TBC1D10A: variants seen among roughly 807,000 people sequenced by gnomAD.
TBC1D10A encodes the protein TBC1 domain family member 10A.
In TBC1D10A, 24 loss-of-function variants were observed where a neutral mutation model predicts 52.9. The observed-to-expected ratio is 0.45, with a 90% CI of 0.33 to 0.64. TBC1D10A has a LOEUF of 0.64. Among genes scored for constraint, TBC1D10A ranks in the 30% least tolerant of loss-of-function variants. TBC1D10A has a pLI of 0.02. For missense variants in TBC1D10A, 602 were observed against 687.9 expected (o/e 0.88, Z 1.40); for synonymous variants, 278 against 282.9 (o/e 0.98, Z 0.17).
intron 1 of TBC1D10A, among the ~76,000 whole-genome samples, chr22:30,323,396 G>T (rs192400496): frequency 7.9e-5 from 12 of 152,194 alleles, no homozygotes; most frequent in Non-Finnish European, 1.5e-5. Context: ...TGAGAGAGTC[G>T]AAAGTGCTGA....
At chr22:30,293,441 G>A in intron 8 of TBC1D10A, 4 of 798,882 alleles carry the variant, frequency 5.0e-6, no homozygotes, top group Non-Finnish European at 8.5e-6. Context: ...AAGCGGCTCG[G>A]ATCCAGAAGG....
intron 1 of TBC1D10A, among the ~76,000 whole-genome samples, 191 bp from the exon 2 acceptor site, chr22:30,304,821 C>G (rs1204475576): frequency 1.3e-5 from 2 of 152,252 alleles, no homozygotes; most frequent in Non-Finnish European, 2.9e-5. Context: ...TCCACCGCCT[C>G]AAGGCATAAG....
chr22:30,314,980 C>T (rs1443011266), intron 1 of TBC1D10A, among the ~76,000 whole-genome samples: 1 of 152,204 alleles, frequency 6.6e-6, no homozygotes, highest in East Asian at 1.9e-4. Flanking sequence ...TGAGTGGAAT[C>T]TTTCGGGATG....
At chr22:30,310,548 T>A (rs1930403650) in intron 1 of TBC1D10A, among the ~76,000 whole-genome samples, 1 of 152,172 alleles carries the variant, frequency 6.6e-6, no homozygotes, top group Non-Finnish European at 1.5e-5. Flanking sequence ...CTCTCTGAGC[T>A]TCCAGTTCCT....
At chr22:30,323,491 C>T (rs539448340) in intron 1 of TBC1D10A, among the ~76,000 whole-genome samples, 6 of 152,292 alleles carry the variant, frequency 3.9e-5, no homozygotes, top group Non-Finnish European at 5.9e-5. Context: ...CCTGCAGGGA[C>T]GAAAGGCCAT....
chr22:30,304,350 G>A (rs892334335), intron 2 of TBC1D10A, among the ~76,000 whole-genome samples, 181 bp downstream of exon 2: 1 of 152,170 alleles, frequency 6.6e-6, no homozygotes, highest in African/African-American at 2.4e-5. Context: ...CATTGTGTTA[G>A]GGCCCAACCT....
At chr22:30,293,111 G>A in intron 8 of TBC1D10A, 1 of 624,276 alleles carries the variant, frequency 1.6e-6, no homozygotes, top group South Asian at 1.9e-5. Flanking sequence ...CTGACTATGG[G>A]GCTAAAGGGG....
chr22:30,296,722 G>C (rs1259262548), intron 3 of TBC1D10A: 1 of 152,182 alleles, frequency 6.6e-6, no homozygotes, highest in Non-Finnish European at 1.5e-5. Flanking sequence ...TGGTTACATG[G>C]ATGTGTATTA....
At chr22:30,311,489 A>G (rs1164411996) in intron 1 of TBC1D10A, among the ~76,000 whole-genome samples, 3 of 152,278 alleles carry the variant, frequency 2.0e-5, no homozygotes, top group South Asian at 2.1e-4. Flanking sequence ...CTCCTTCCCA[A>G]TGCAGGCTAA....
intron 1 of TBC1D10A, among the ~76,000 whole-genome samples, chr22:30,308,088 G>A (rs1223954321): frequency 1.3e-5 from 2 of 152,212 alleles, no homozygotes; most frequent in Non-Finnish European, 2.9e-5. Context: ...GAGCCACAGC[G>A]CCCGGCCCAT....
rs201420153 is a variant in TBC1D10A, at chr22:30,292,673, A to G, written c.1229T>C (p.Ile410Thr). The G allele has an allele frequency of 6.2e-5, 99 of 1,608,704 alleles. No individual in the cohort carries two copies. The highest frequency in any genetic ancestry group is 6.7e-5 in the Non-Finnish European group (79 of 1,177,390). ...GAGGGGGGCATCTAGGGGCAGGCGG[A>G]TGGATGGTGAAGGTTGTAGGGCAGG... ...PRPALQPSPS[I>T]RLPLDAPLPG... The change falls in exon 9 of 9, where the codon ATC (isoleucine) becomes ACC (threonine). Residue 410 changes from isoleucine (I) to threonine (T), a missense_variant. By Grantham distance (89) the Ile-to-Thr change is moderately conservative. Coordinates refer to ENST00000215790, the MANE Select transcript of TBC1D10A (RefSeq NM_031937.3).
At chr22:30,325,935 G>A (rs1490614451) in intron 1 of TBC1D10A, among the ~76,000 whole-genome samples, 3 of 152,096 alleles carry the variant, frequency 2.0e-5, no homozygotes, top group Non-Finnish European at 4.4e-5. Context: ...GCTCCCTGTC[G>A]CCCTGTACGT....
chr22:30,295,560 C>CA (rs1185402842), intron 4 of TBC1D10A, among the ~76,000 whole-genome samples, 177 bp downstream of exon 4: 2 of 152,210 alleles, frequency 1.3e-5, no homozygotes, highest in Non-Finnish European at 2.9e-5. Context: ...AAAGCCCCCC[C>CA]AGAGGTAAGA....
rs1216819279 is a variant in TBC1D10A, at chr22:30,293,690, G to A, written c.1011C>T (p.Leu337=). The change falls in exon 8 of 9, where the codon CTC becomes CTT. Residue 337 remains leucine (L), a synonymous_variant. Coordinates refer to ENST00000215790, the MANE Select transcript of TBC1D10A (RefSeq NM_031937.3). ...QYETIERLRS[L]SPKIMQEAFL... ...AGGCCTCCTGCATGATCTTGGGGCT[G>A]AGGCTCCGCAGTCGCTCGATGGTCT... 3 of 1,612,392 alleles carry A rather than the reference G, an allele frequency of 1.9e-6. No individual in the cohort carries two copies. Among genetic ancestry groups the A allele is most frequent in the African/African-American group, 1.3e-5 (1 of 74,930 alleles).
intron 1 of TBC1D10A, among the ~76,000 whole-genome samples, chr22:30,316,386 G>T (rs894445074): frequency 1.3e-5 from 2 of 152,082 alleles, no homozygotes. Context: ...GGTTTCTGTG[G>T]CATGTGCCAT....
rs1488612660 is a variant in TBC1D10A at position 30,292,913 on chromosome 22, C to G, written c.1051-62G>C. 4.5e-6 allele frequency: 7 copies of G among 1,565,388 alleles called. No individual in the cohort carries two copies. The East Asian group carries it at 1.3e-4, about 30-fold the overall frequency. On this transcript the variant is annotated intron_variant, in intron 8 of 8. Transcript: ENST00000215790. ...AAGAAGGACCTTCCCCTTCTGCCTC[C>G]CAGCCTGGGCCCCCAGTCTTCCTCA...
In TBC1D10A at chr22:30,309,581, G is replaced by C. The variant is rs139685236; in HGVS notation, c.210-4951C>G. Among the ~76,000 whole-genome samples the C allele has an allele frequency of 2.6e-5, 4 of 152,332 alleles. No homozygotes were observed. In the East Asian group the frequency reaches 7.7e-4, roughly 29 times the overall value. The stretch of plus-strand genomic sequence containing the variant: ...TTCTGAGGAGGAAAGGCTCAGAGGA[G>C]ACAAAGGTGGCACCTAATCACAGAT... On this transcript the variant is annotated intron_variant, in intron 1 of 8. Transcript: ENST00000215790.
chr22:30,306,045 G>A (rs1930303952), intron 1 of TBC1D10A, among the ~76,000 whole-genome samples: 1 of 152,132 alleles, frequency 6.6e-6, no homozygotes, highest in Admixed American at 6.5e-5. Flanking sequence ...GTATCTCCGG[G>A]CAACCCCCAA....
At chr22:30,300,014 T>C (rs774481437) in intron 2 of TBC1D10A, among the ~76,000 whole-genome samples, 17 of 151,260 alleles carry the variant, frequency 1.1e-4, no homozygotes, top group African/African-American at 2.7e-4. Context: ...GCCAATCCTA[T>C]GGTGCGGGGA....
Sources: gnomAD v4.1 joint callset for allele counts (sites outside exome capture counted in the v4.1 genomes callset) on GRCh38, gnomAD v4.1.1 for gene constraint, MANE v1.5 for transcripts, NCBI Gene and HGNC (gene_info 2026-07-23, HGNC 2026-07-21) for gene names.